Variants in KIF13A observed in about 807,000 individuals in gnomAD.
KIF13A encodes kinesin family member 13A.
A neutral mutation model predicts 212.2 loss-of-function variants in KIF13A; 79 were observed. That is an observed-to-expected ratio of 0.37 (90% CI 0.31 to 0.45). The LOEUF is 0.45. KIF13A is among the 20% of genes least tolerant of loss of function. The pLI is 1.00. For missense variants in KIF13A, 1,901 were observed against 2,209.0 expected (o/e 0.86, Z 2.79); for synonymous variants, 789 against 808.6 (o/e 0.98, Z 0.41).
rs572345971 is a variant in KIF13A, at chr6:17,833,526, T to C, written c.1266+435A>G. Among the ~76,000 whole-genome samples the C allele has an allele frequency of 6.9e-5, 10 of 145,196 alleles. No individual in the cohort carries two copies. In the East Asian group the frequency reaches 2.1e-3, roughly 30 times the overall value. The stretch of plus-strand genomic sequence containing the variant: ...AAAAAAAAAAAAAAAAAAAGTGATC[T>C]TTGCAATCTCTGGTTCAGCAGAAAA... On this transcript the variant is annotated intron_variant, in intron 12 of 38. Transcript: ENST00000259711.
rs932530914 is a variant in KIF13A at position 17,799,206 on chromosome 6, G to A, written c.2790+60C>T. The A allele has an allele frequency of 8.3e-7, 1 of 1,204,936 alleles. No homozygotes were observed. The highest frequency in any genetic ancestry group is 2.7e-5 in the Admixed American group (1 of 37,598). The allele number at this position is 1,204,936 out of a possible 1,614,324, so 74.6% of individuals were successfully genotyped here. A position where few individuals can be genotyped will look rare whatever the true frequency, so the allele number is the denominator to read the frequency against. On this transcript the variant is annotated intron_variant, in intron 22 of 38. Coordinates refer to ENST00000259711, the MANE Select transcript of KIF13A (RefSeq NM_022113.6). The surrounding 1 kb of genome is among the most constrained non-coding windows in gnomAD (Gnocchi z 4.4). ...CAAATGCTTGTGGGGACAACTGATTGTTGAACTGCACCAATTTCTGCTGCT... is the reference window on the plus strand; with the variant it reads ...CAAATGCTTGTGGGGACAACTGATTATTGAACTGCACCAATTTCTGCTGCT...
chr6:17,815,026 A>C (rs1763800080), intron 17 of KIF13A, among the ~76,000 whole-genome samples: 1 of 152,204 alleles, frequency 6.6e-6, no homozygotes, highest in Non-Finnish European at 1.5e-5. Flanking sequence ...ATTGGATACA[A>C]GAAAAGGGGG....
At chr6:17,986,908 C>G in intron 2 of KIF13A, 146 bp downstream of exon 2, 1 of 602,558 alleles carries the variant, frequency 1.7e-6, no homozygotes, top group Middle Eastern at 2.7e-4. Context: ...GGAACTTGGA[C>G]TTGCAACAGC....
chr6:17,888,758 G>T lies in KIF13A; in HGVS notation c.159+9410C>A, dbSNP rs1223885569. 6.6e-6 allele frequency among the ~76,000 whole-genome samples: 1 copy of T among 152,126 alleles called. No individual in the cohort carries two copies. The highest frequency in any genetic ancestry group is 1.5e-5 in the Non-Finnish European group (1 of 68,016). On this transcript the variant is annotated intron_variant, in intron 3 of 38. Transcript: ENST00000259711. This position sits in a 1 kb window ranked among gnomAD's most constrained non-coding sequence, Gnocchi z 4.8. ...GAGAATTGCTTGAACCTAGGAGGTG[G>T]AGGTTGCAGTGAGCCGAGACTGTGC...
intron 3 of KIF13A, among the ~76,000 whole-genome samples, chr6:17,890,552 C>T (rs1771950210): frequency 6.6e-6 from 1 of 152,008 alleles, no homozygotes; most frequent in South Asian, 2.1e-4. Context: ...TCGTCTTCCT[C>T]TGCACCACCT....
intron 2 of KIF13A, among the ~76,000 whole-genome samples, chr6:17,959,381 T>C (rs987314498): frequency 2.0e-5 from 3 of 152,218 alleles, no homozygotes; most frequent in African/African-American, 7.2e-5. Context: ...TACATTATGT[T>C]TGGGAGATGC....
rs114441898 is a variant in KIF13A at position 17,843,917 on chromosome 6, C to T, written c.830+5460G>A. 0.025 allele frequency among the ~76,000 whole-genome samples: 3,867 copies of T among 152,012 alleles called. 73 individuals are homozygous for T. Among genetic ancestry groups the T allele is most frequent in the Non-Finnish European group, 0.04 (2,733 of 67,970 alleles). Reference sequence around the variant, plus strand: ...AAAATTAACTGAGCGTGGTGGCGCACGCCTATAATCCCAGCTACTCGGGAG... The same window carrying T: ...AAAATTAACTGAGCGTGGTGGCGCATGCCTATAATCCCAGCTACTCGGGAG... On this transcript the variant is annotated intron_variant, in intron 9 of 38. Transcript: ENST00000259711. This position sits in a 1 kb window ranked among gnomAD's most constrained non-coding sequence, Gnocchi z 5.3.
chr6:17,781,714 A>G (rs994591492), intron 29 of KIF13A, among the ~76,000 whole-genome samples: 3 of 149,302 alleles, frequency 2.0e-5, no homozygotes, highest in Non-Finnish European at 4.4e-5. Context: ...GCAGCCTTGA[A>G]CTTCTGGGCT....
chr6:17,824,651 C>T (rs970123936), intron 16 of KIF13A, among the ~76,000 whole-genome samples: 3 of 148,926 alleles, frequency 2.0e-5, no homozygotes, highest in African/African-American at 7.4e-5. Context: ...GTCCCAGCTA[C>T]TTGGGAGGCT....
Position 17,834,889 on chromosome 6 carries a change from G to A in KIF13A, c.1156-818C>T, listed in dbSNP as rs923503527. On this transcript the variant is annotated intron_variant, in intron 11 of 38. Transcript: ENST00000259711. This position sits in a 1 kb window ranked among gnomAD's most constrained non-coding sequence, Gnocchi z 4.0. ...ACAGTGGCATTTAGTGCTGAGTACAGTGGGACATATATGAAAATTATAGGC... is the reference window on the plus strand; with the variant it reads ...ACAGTGGCATTTAGTGCTGAGTACAATGGGACATATATGAAAATTATAGGC... Among the ~76,000 whole-genome samples the A allele has an allele frequency of 2.6e-5, 4 of 152,110 alleles. No individual in the cohort carries two copies. The highest frequency in any genetic ancestry group is 9.7e-5 in the African/African-American group (4 of 41,426).
chr6:17,796,514 A>G (rs764616678), intron 23 of KIF13A, among the ~76,000 whole-genome samples, 155 bp downstream of exon 23: 55 of 150,486 alleles, frequency 3.7e-4, no homozygotes, highest in Middle Eastern at 3.5e-3. Flanking sequence ...GTGCTGGATT[A>G]CAGGCATGAG....
At chr6:17,923,293 A>C (rs1035706549) in intron 2 of KIF13A, among the ~76,000 whole-genome samples, 1 of 151,510 alleles carries the variant, frequency 6.6e-6, no homozygotes, top group Non-Finnish European at 1.5e-5. Flanking sequence ...TAAATAAATA[A>C]ATAAATAAAT....
rs1765192673 is a variant in KIF13A, at chr6:17,828,900, G to A, written c.1402-530C>T. 6.6e-6 allele frequency among the ~76,000 whole-genome samples: 1 copy of A among 151,540 alleles called. No individual in the cohort carries two copies. The highest frequency in any genetic ancestry group is 1.5e-5 in the Non-Finnish European group (1 of 67,934). Reference sequence around the variant, plus strand: ...CTAAAAATTTTGAATTTCTAATACTGATATTACATACAGTATTAATGCCTG... The same window carrying A: ...CTAAAAATTTTGAATTTCTAATACTAATATTACATACAGTATTAATGCCTG... On this transcript the variant is annotated intron_variant, in intron 13 of 38. Coordinates refer to ENST00000259711, the MANE Select transcript of KIF13A (RefSeq NM_022113.6). This position sits in a 1 kb window ranked among gnomAD's most constrained non-coding sequence, Gnocchi z 4.3.
At chr6:17,877,256 ACAT>A (rs1233598443) in intron 3 of KIF13A, among the ~76,000 whole-genome samples, 1 of 152,098 alleles carries the variant, frequency 6.6e-6, no homozygotes, top group Admixed American at 6.6e-5. Flanking sequence ...TACTCAACTT[ACAT>A]CATCAACCCG....
In KIF13A at chr6:17,779,691, G is replaced by GAA. The variant is rs748649406; in HGVS notation, c.3847-9_3847-8dup. ...TCAAACTCTGCGTGAAACTCTAGTA[G>GAA]AAAAAAAAAAAAGCTGTATTAAGCT... On this transcript the variant is annotated splice_region_variant and splice_polypyrimidine_tract_variant and intron_variant, in intron 31 of 38. Coordinates refer to ENST00000259711, the MANE Select transcript of KIF13A (RefSeq NM_022113.6). 388 of 789,152 alleles carry GAA rather than the reference G, an allele frequency of 4.9e-4. No individual in the cohort carries two copies. Among genetic ancestry groups the GAA allele is most frequent in the East Asian group, 8.9e-4 (24 of 27,080 alleles). 48.9% of individuals were successfully genotyped at this position (789,152 alleles called of 1,614,324 possible). A position where few individuals can be genotyped will look rare whatever the true frequency, so the allele number is the denominator to read the frequency against.
In KIF13A at chr6:17,869,019, A is replaced by AAAAAC. The variant is rs1554187445; in HGVS notation, c.220+4357_220+4358insGTTTT. Among the ~76,000 whole-genome samples the AAAAAC allele has an allele frequency of 1.9e-4, 24 of 126,524 alleles. 1 individual carries two copies. The highest frequency in any genetic ancestry group is 9.2e-4 in the South Asian group (3 of 3,254). The allele number at this position is 126,524 out of a possible 152,430, so 83.0% of individuals were successfully genotyped here. Reference sequence around the variant, plus strand: ...AAAAAAAAAAAAAAAAAAAAAAAAAAACACAAATAAATAAAATGTAAAATA... The same window carrying AAAAAC: ...AAAAAAAAAAAAAAAAAAAAAAAAAAAAAACACACAAATAAATAAAATGTAAAATA... On this transcript the variant is annotated intron_variant, in intron 4 of 38. Coordinates refer to ENST00000259711, the MANE Select transcript of KIF13A (RefSeq NM_022113.6).
chr6:17,849,509 G>A lies in KIF13A; in HGVS notation c.718-20C>T, dbSNP rs746879358. The A allele has an allele frequency of 6.3e-7, 1 of 1,579,598 alleles. No homozygotes were observed. Among genetic ancestry groups the A allele is most frequent in the Non-Finnish European group, 8.7e-7 (1 of 1,152,224 alleles). On this transcript the variant is annotated intron_variant, in intron 8 of 38. Coordinates refer to ENST00000259711, the MANE Select transcript of KIF13A (RefSeq NM_022113.6). The surrounding 1 kb of genome is among the most constrained non-coding windows in gnomAD (Gnocchi z 5.7). ...GGAATTCTAGTTATAGGAAACGAGA[G>A]AGAGAAGAAAAACTTATCAATAAAA...
intron 2 of KIF13A, among the ~76,000 whole-genome samples, chr6:17,944,149 G>T (rs771977066): frequency 1.3e-5 from 2 of 152,188 alleles, no homozygotes; most frequent in Admixed American, 6.5e-5. Flanking sequence ...TGACATGTGA[G>T]CCTTACCGCC....
At position 17,779,643 on chromosome 6, in the gene KIF13A, A is replaced by G; in HGVS notation, c.3888T>C (p.Asn1296=). Residue 1296 remains asparagine (N), a synonymous_variant, in exon 32 of 39, where the codon AAT becomes AAC. Transcript: ENST00000259711. ...QSLKRRISLK[N]IFYSCGVTYE... ...AGGTTACACCACAGGAATAAAATAT[A>G]TTTTTCAGGGATATTCTCCTCTTCA... is the stretch of plus-strand genomic sequence containing the variant. The G allele has an allele frequency of 1.3e-6, 2 of 1,514,882 alleles. No individual in the cohort carries two copies. Among genetic ancestry groups the G allele is most frequent in the Non-Finnish European group, 1.8e-6 (2 of 1,100,308 alleles). The allele number at this position is 1,514,882 out of a possible 1,614,324, so 93.8% of individuals were successfully genotyped here.
Sources: gnomAD v4.1 joint callset for allele counts (sites outside exome capture counted in the v4.1 genomes callset) on GRCh38, gnomAD v4.1.1 for gene constraint, Gnocchi (gnomAD v3.1) non-coding constraint, MANE v1.5 for transcripts, NCBI Gene and HGNC (gene_info 2026-07-23, HGNC 2026-07-21) for gene names.